The following CFAP298 variants were observed in gnomAD, a reference collection of about 807,000 sequenced individuals.
CFAP298 encodes cilia- and flagella-associated protein 298.
CFAP298 carries 38 observed loss-of-function variants against 41.0 expected under a neutral mutation model. That is an observed-to-expected ratio of 0.93 (90% CI 0.72 to 1.22). CFAP298 has a LOEUF of 1.22. Ranked by LOEUF, CFAP298 falls within the 50% of genes most tolerant of loss-of-function variation. CFAP298 has a pLI of 0.00. For missense variants in CFAP298, 348 were observed against 360.3 expected (o/e 0.97, Z 0.28); for synonymous variants, 137 against 135.3 (o/e 1.01, Z -0.09).
chr21:32,607,636 T>TA lies in CFAP298; in HGVS notation c.375+12dup. The TA allele has an allele frequency of 1.3e-6, 2 of 1,518,522 alleles. No individual in the cohort carries two copies. Among genetic ancestry groups the TA allele is most frequent in the Non-Finnish European group, 1.8e-6 (2 of 1,119,490 alleles). 94.1% of individuals were successfully genotyped at this position (1,518,522 alleles called of 1,614,324 possible). ...ACCCAACAAGTTTTAGTGCATCATT[T>TA]AAAAAAGCCAACCTTAGATATTATT... On this transcript the variant is annotated intron_variant, in intron 3 of 6. Transcript: ENST00000290155.
intron 3 of CFAP298, among the ~76,000 whole-genome samples, chr21:32,607,023 TACTTA>T (rs1441463751): frequency 6.6e-6 from 1 of 152,228 alleles, no homozygotes; most frequent in Non-Finnish European, 1.5e-5. Context: ...AAATCTCCCC[TACTTA>T]ACTTTGTTAA....
Position 32,609,988 on chromosome 21 carries a change from C to T in CFAP298, c.157G>A (p.Glu53Lys), listed in dbSNP as rs750577375. The change falls in exon 2 of 7, where the codon GAA (glutamate) becomes AAA (lysine). Residue 53 changes from glutamate (E) to lysine (K), a missense_variant. Glu to Lys is a moderately conservative substitution (Grantham distance 56, BLOSUM62 1). Coordinates refer to ENST00000290155, the MANE Select transcript of CFAP298 (RefSeq NM_021254.4). ...RLCSEMEELA[E>K]HGIFLPPNMQ... ...TTAGGAGGGAGAAATATGCCATGTT[C>T]GGCTAATTCTTCCATTTCTTAAAAA... 15 of 1,612,970 alleles carry T rather than the reference C, an allele frequency of 9.3e-6. No individual in the cohort carries two copies. In the South Asian group the frequency reaches 9.9e-5, roughly 11 times the overall value.
In CFAP298 at chr21:32,607,691, C is replaced by T; in HGVS notation, c.333G>A (p.Val111=). 6.3e-7 allele frequency: 1 copy of T among 1,593,728 alleles called. No homozygotes were observed. ...GQAPNEKMKQ[V]LKKTIEEAKA... is the part of the protein sequence containing the mutation. ...TGGCTTCTTCTATAGTCTTCTTTAA[C>T]ACTTGCTTCATCTTCTCATTTGGAG... Residue 111 remains valine, a synonymous_variant, in exon 3 of 7, where the codon GTG becomes GTA. Coordinates refer to ENST00000290155, the MANE Select transcript of CFAP298 (RefSeq NM_021254.4).
Position 32,604,212 on chromosome 21 carries a change from C to T in CFAP298, c.447G>A (p.Ala149=), listed in dbSNP as rs1470547425. 5.6e-6 allele frequency: 9 copies of T among 1,613,938 alleles called. No individual in the cohort carries two copies. The highest frequency in any genetic ancestry group is 2.2e-5 in the East Asian group (1 of 44,878). The part of the protein sequence containing the change: ...VKDALDQLRG[A]VMIVYPMGLP... ...ACCCCATGGGGTAAACAATCATCAC[C>T]GCGCCTCGAAGCTGGTCCAAGGCAT... The change falls in exon 4 of 7, where the codon GCG becomes GCA. Residue 149 remains alanine (A), a synonymous_variant. Coordinates refer to ENST00000290155, the MANE Select transcript of CFAP298 (RefSeq NM_021254.4).
rs2236428 is a variant in CFAP298, at chr21:32,599,749, C to G, written c.*2114G>C. On this transcript the variant is annotated 3_prime_UTR_variant, in exon 7 of 7. Coordinates refer to ENST00000290155, the MANE Select transcript of CFAP298 (RefSeq NM_021254.4). ...GCCACAGCGGGCACCACCTGCCCCCCGCCGTCACAGATGGCTTGCAAATAA... is the reference window on the plus strand; with the variant it reads ...GCCACAGCGGGCACCACCTGCCCCCGGCCGTCACAGATGGCTTGCAAATAA... Among the ~76,000 whole-genome samples, 1 of 152,138 alleles carries G rather than the reference C, an allele frequency of 6.6e-6. No homozygotes were observed. The highest frequency in any genetic ancestry group is 1.5e-5 in the Non-Finnish European group (1 of 68,014).
chr21:32,610,959 A>G (rs1260629696), intron 1 of CFAP298, among the ~76,000 whole-genome samples: 1 of 152,142 alleles, frequency 6.6e-6, no homozygotes, highest in Non-Finnish European at 1.5e-5. Flanking sequence ...TTCAAAAACT[A>G]TGCTGTCTAA....
chr21:32,608,416 G>A (rs1175221036), intron 2 of CFAP298, among the ~76,000 whole-genome samples: 1 of 152,046 alleles, frequency 6.6e-6, no homozygotes, highest in Non-Finnish European at 1.5e-5. Context: ...CAGCACTTCG[G>A]AAGGCCAAGA....
intron 2 of CFAP298, 72 bp from the exon 3 acceptor site, chr21:32,607,788 C>A: frequency 1.1e-6 from 1 of 902,226 alleles, no homozygotes; most frequent in Non-Finnish European, 1.8e-6. Flanking sequence ...ACCTCAATCC[C>A]CTCTGTCTGA....
At chr21:32,602,489 G>A in intron 5 of CFAP298, 122 bp from the exon 6 acceptor site, 1 of 1,460,276 alleles carries the variant, frequency 6.8e-7, no homozygotes, top group Admixed American at 2.5e-5. Flanking sequence ...GGTCCCCCAT[G>A]TCTGATCACC....
chr21:32,602,041 G>C, intron 6 of CFAP298, 68 bp from the exon 7 acceptor site: 1 of 1,065,738 alleles, frequency 9.4e-7, no homozygotes, highest in Non-Finnish European at 1.5e-6. Context: ...AGAGACTGAA[G>C]AAAGAGTCCA....
Position 32,601,847 on chromosome 21 carries a change from C to T in CFAP298, c.*16G>A. 7.3e-7 allele frequency: 1 copy of T among 1,374,694 alleles called. No homozygotes were observed. Among genetic ancestry groups the T allele is most frequent in the Non-Finnish European group, 1.0e-6 (1 of 963,458 alleles). The allele number at this position is 1,374,694 out of a possible 1,614,324, so 85.2% of individuals were successfully genotyped here. A position where few individuals can be genotyped will look rare whatever the true frequency, so the allele number is the denominator to read the frequency against. ...GGTGAGCTAATCTCTTTGGAAGTGT[C>T]ATCAGCTGGTGAACTTCATCTTGGT... On this transcript the variant is annotated 3_prime_UTR_variant, in exon 7 of 7. Transcript: ENST00000290155.
At chr21:32,604,359 C>T (rs1004608663) in intron 3 of CFAP298, 76 bp from the exon 4 acceptor site, 8 of 1,525,288 alleles carry the variant, frequency 5.2e-6, no homozygotes, top group African/African-American at 1.4e-5. Flanking sequence ...TTGTACAAGA[C>T]CCTTGCCAGA....
chr21:32,612,039 C>T, intron 1 of CFAP298, 66 bp downstream of exon 1: 1 of 1,461,794 alleles, frequency 6.8e-7, no homozygotes. Flanking sequence ...GCCCACCCTG[C>T]CCCTCTTTCT....
At chr21:32,608,224 C>CAAAAAAAAAAAAAAAAAA (rs751998741) in intron 2 of CFAP298, among the ~76,000 whole-genome samples, 1 of 93,948 alleles carries the variant, frequency 1.1e-5, no homozygotes, top group African/African-American at 4.9e-5. Flanking sequence ...GCTTAGAAGC[C>CAAAAAAAAAAAAAAAAAA]AAAAAAAAAA....
intron 3 of CFAP298, among the ~76,000 whole-genome samples, chr21:32,605,609 T>C (rs188648192): frequency 3.9e-5 from 6 of 152,256 alleles, no homozygotes; most frequent in Admixed American, 1.3e-4. Context: ...AGCTTCCTGA[T>C]TGGTGAAGAC....
rs1000634531 is a variant in CFAP298, at chr21:32,600,668, T to G, written c.*1195A>C. On this transcript the variant is annotated 3_prime_UTR_variant, in exon 7 of 7. Transcript: ENST00000290155. Reference sequence around the variant, plus strand: ...GGTTTACAGTGATGATGAGTTGGAGTCTTTAAACTCAATGGTGTCCTAGAT... The same window carrying G: ...GGTTTACAGTGATGATGAGTTGGAGGCTTTAAACTCAATGGTGTCCTAGAT... 3.3e-5 allele frequency among the ~76,000 whole-genome samples: 5 copies of G among 151,948 alleles called. No individual in the cohort carries two copies. The highest frequency in any genetic ancestry group is 2.6e-4 in the Admixed American group (4 of 15,256).
chr21:32,602,870 T>G, intron 5 of CFAP298: 4 of 1,399,540 alleles, frequency 2.9e-6, no homozygotes, highest in Non-Finnish European at 3.7e-6. Context: ...AAATTTTACA[T>G]TTCAAGGAAC....
chr21:32,605,403 G>A (rs954642022), intron 3 of CFAP298, among the ~76,000 whole-genome samples: 2 of 152,148 alleles, frequency 1.3e-5, no homozygotes, highest in Non-Finnish European at 2.9e-5. Context: ...CCTGTAGTCC[G>A]CGCTGGGTTT....
At position 32,601,883 on chromosome 21, in the gene CFAP298, T is replaced by C. The variant is rs866971683; in HGVS notation, c.853A>G (p.Ile285Val). Reference protein sequence around the residue: ...LKRHFHGVKDIKWRPR With the variant: ...LKRHFHGVKDVKWRPR ...GAACTTCATCTTGGTCTCCACTTTATGTCTTTCACTCCATGAAAATGTCTT... is the reference window on the plus strand; with the variant it reads ...GAACTTCATCTTGGTCTCCACTTTACGTCTTTCACTCCATGAAAATGTCTT... The change falls in exon 7 of 7, where the codon ATA (isoleucine) becomes GTA (valine). Residue 285 changes from isoleucine to valine, a missense_variant. Transcript: ENST00000290155. 3.1e-6 allele frequency: 5 copies of C among 1,608,964 alleles called. No individual in the cohort carries two copies. Among genetic ancestry groups the C allele is most frequent in the African/African-American group, 2.7e-5 (2 of 74,916 alleles).
Sources: gnomAD v4.1 joint callset for allele counts (sites outside exome capture counted in the v4.1 genomes callset) on GRCh38, gnomAD v4.1.1 for gene constraint, MANE v1.5 for transcripts, NCBI Gene and HGNC (gene_info 2026-07-23, HGNC 2026-07-21) for gene names.